The following SEMA5A variants were observed in gnomAD, a reference collection of about 807,000 sequenced individuals.
SEMA5A encodes semaphorin-5A.
A neutral mutation model predicts 135.5 loss-of-function variants in SEMA5A; 55 were observed. The ratio of observed to expected loss-of-function variants is 0.41; its 90% CI spans 0.33 to 0.51. The LOEUF (loss-of-function observed/expected upper bound fraction) is 0.51. SEMA5A is among the 20% of genes least tolerant of loss of function. The pLI, the probability that SEMA5A is intolerant of heterozygous loss-of-function variation, is 0.37. For missense variants in SEMA5A, 1,290 were observed against 1,419.9 expected (o/e 0.91, Z 1.47); for synonymous variants, 580 against 546.5 (o/e 1.06, Z -0.85).
intron 2 of SEMA5A, among the ~76,000 whole-genome samples, chr5:9,412,395 T>C (rs960101027): frequency 6.6e-6 from 1 of 151,990 alleles, no homozygotes; most frequent in Non-Finnish European, 1.5e-5. Flanking sequence ...ATGATTTCCT[T>C]GATTGACCTA....
chr5:9,345,752 CA>C (rs1191521037), intron 3 of SEMA5A, among the ~76,000 whole-genome samples: 2 of 151,884 alleles, frequency 1.3e-5, no homozygotes, highest in Admixed American at 1.3e-4. Context: ...TTAAGCTTTC[CA>C]AATGTGGATT....
intron 5 of SEMA5A, among the ~76,000 whole-genome samples, chr5:9,293,736 T>C (rs1751198208): frequency 6.6e-6 from 1 of 152,218 alleles, no homozygotes; most frequent in Non-Finnish European, 1.5e-5. Flanking sequence ...ATGTCTAATT[T>C]AGCCCTATGT....
intron 5 of SEMA5A, among the ~76,000 whole-genome samples, chr5:9,290,700 A>T (rs532531923): frequency 5.3e-5 from 8 of 152,338 alleles, no homozygotes; most frequent in Admixed American, 1.3e-4. Context: ...ATATATGTGT[A>T]TATACATACA....
intron 19 of SEMA5A, among the ~76,000 whole-genome samples, chr5:9,053,110 T>C (rs532995741): frequency 1.2e-4 from 18 of 152,226 alleles, no homozygotes; most frequent in Admixed American, 9.8e-4. Context: ...TGTGTTTCAA[T>C]GTCAAAGTTA....
At chr5:9,177,438 G>A (rs947314897) in intron 11 of SEMA5A, among the ~76,000 whole-genome samples, 1 of 152,172 alleles carries the variant, frequency 6.6e-6, no homozygotes, top group African/African-American at 2.4e-5. Flanking sequence ...GTTCTATGAG[G>A]GCAGGTTGTG....
At chr5:9,197,785 TTTTAACCCA>T (rs1745499660) in intron 9 of SEMA5A, among the ~76,000 whole-genome samples, 5 of 117,854 alleles carry the variant, frequency 4.2e-5, no homozygotes, top group South Asian at 2.8e-4. Flanking sequence ...TGTGTGTGTG[TTTTAACCCA>T]GATATTTGTT....
intron 1 of SEMA5A, among the ~76,000 whole-genome samples, chr5:9,536,718 A>G (rs950915835): frequency 6.6e-6 from 1 of 152,110 alleles, no homozygotes; most frequent in African/African-American, 2.4e-5. Context: ...TAATATCTGG[A>G]CAATGGACCC....
At chr5:9,368,112 GT>G (rs1754991822) in intron 3 of SEMA5A, among the ~76,000 whole-genome samples, 1 of 152,146 alleles carries the variant, frequency 6.6e-6, no homozygotes, top group South Asian at 2.1e-4. Flanking sequence ...ACAGTCTATG[GT>G]GGGTTTTCAT....
At chr5:9,189,212 G>T (rs891670934) in intron 11 of SEMA5A, among the ~76,000 whole-genome samples, 7 of 152,204 alleles carry the variant, frequency 4.6e-5, no homozygotes, top group Non-Finnish European at 1.0e-4. Flanking sequence ...CTGCGCATCT[G>T]CTGTGTCTGC....
chr5:9,382,942 T>C (rs571662127), intron 2 of SEMA5A, among the ~76,000 whole-genome samples: 1 of 152,164 alleles, frequency 6.6e-6, no homozygotes, highest in African/African-American at 2.4e-5. Flanking sequence ...GTAATGGCAC[T>C]GCAAATCAAG....
At chr5:9,428,160 CT>C (rs2126648786) in intron 2 of SEMA5A, among the ~76,000 whole-genome samples, 1 of 132,866 alleles carries the variant, frequency 7.5e-6, no homozygotes, top group African/African-American at 3.1e-5. Flanking sequence ...ATCTATCTAT[CT>C]ATCTATCCAT....
At chr5:9,136,457 G>C in intron 13 of SEMA5A, 47 bp downstream of exon 13, 1 of 1,490,136 alleles carries the variant, frequency 6.7e-7, no homozygotes, top group Non-Finnish European at 9.4e-7. Context: ...GGGGAGCATG[G>C]CTCCCATGGG....
At chr5:9,454,895 A>G (rs1758773589) in intron 1 of SEMA5A, among the ~76,000 whole-genome samples, 1 of 152,236 alleles carries the variant, frequency 6.6e-6, no homozygotes, top group South Asian at 2.1e-4. Context: ...AACAAAAATA[A>G]AAGAACTAGA....
intron 2 of SEMA5A, among the ~76,000 whole-genome samples, chr5:9,402,010 G>A (rs1305371069): frequency 1.3e-5 from 2 of 152,160 alleles, no homozygotes; most frequent in Non-Finnish European, 2.9e-5. Context: ...CTTATTTGCT[G>A]TAACCACATG....
At chr5:9,326,057 T>C (rs891848646) in intron 4 of SEMA5A, among the ~76,000 whole-genome samples, 2 of 152,216 alleles carry the variant, frequency 1.3e-5, no homozygotes, top group Non-Finnish European at 2.9e-5. Flanking sequence ...ACACTGCCCA[T>C]GAGCCAGTTG....
chr5:9,375,628 A>G (rs1755333755), intron 3 of SEMA5A, among the ~76,000 whole-genome samples: 1 of 148,978 alleles, frequency 6.7e-6, no homozygotes. Context: ...TTGTTACAGC[A>G]GCCCTAAGCA....
At chr5:9,240,543 C>T (rs1748136130) in intron 5 of SEMA5A, among the ~76,000 whole-genome samples, 1 of 151,706 alleles carries the variant, frequency 6.6e-6, no homozygotes, top group South Asian at 2.1e-4. Context: ...TATTTCATCA[C>T]TTGACAGACA....
At chr5:9,435,000 C>A (rs1484153688) in intron 2 of SEMA5A, among the ~76,000 whole-genome samples, 1 of 151,922 alleles carries the variant, frequency 6.6e-6, no homozygotes, top group Non-Finnish European at 1.5e-5. Flanking sequence ...GTCAAATATG[C>A]CTTTAAGTAT....
chr5:9,214,780 C>A (rs535139095), intron 8 of SEMA5A, among the ~76,000 whole-genome samples: 37 of 152,304 alleles, frequency 2.4e-4, no homozygotes, highest in African/African-American at 8.9e-4. Flanking sequence ...ACTATGAGAG[C>A]ACTCATTTCT....
Sources: gnomAD v4.1 joint callset for allele counts (sites outside exome capture counted in the v4.1 genomes callset) on GRCh38, gnomAD v4.1.1 for gene constraint, MANE v1.5 for transcripts, NCBI Gene and HGNC (gene_info 2026-07-23, HGNC 2026-07-21) for gene names.